PDE3B: variants seen among roughly 807,000 people sequenced by gnomAD.
The protein encoded by PDE3B is cGMP-inhibited 3',5'-cyclic phosphodiesterase 3B.
A neutral mutation model predicts 116.8 loss-of-function variants in PDE3B; 66 were observed. That is an observed-to-expected ratio of 0.56 (90% CI 0.46 to 0.69). The LOEUF (loss-of-function observed/expected upper bound fraction) is 0.69, where lower values mean the gene tolerates loss of function less well. PDE3B is among the 30% of genes least tolerant of loss of function. PDE3B has a pLI of 0.00. For synonymous variants in PDE3B, 595 were observed against 533.6 expected, an observed-to-expected ratio of 1.12 and a Z score of -1.59; for missense variants, 1,384 against 1,368.1, an observed-to-expected ratio of 1.01 and a Z score of -0.18.
rs759895969 is a variant in PDE3B at position 14,843,975 on chromosome 11, T to C, written c.2469T>C (p.Tyr823=). 9 of 1,614,142 alleles carry C rather than the reference T, an allele frequency of 5.6e-6. No homozygotes were observed. The East Asian group carries it at 2.0e-4, about 36-fold the overall frequency. Reference sequence around the variant, plus strand: ...ACGTGGCAGCTGCCATGCATGATTATGATCACCCAGGGAGGACAAATGCAT... The same window carrying C: ...ACGTGGCAGCTGCCATGCATGATTACGATCACCCAGGGAGGACAAATGCAT... ...ALYVAAAMHD[Y]DHPGRTNAFL... The change falls in exon 12 of 16, where the codon TAT becomes TAC. Residue 823 remains tyrosine, a synonymous_variant. Coordinates refer to ENST00000282096, the MANE Select transcript of PDE3B (RefSeq NM_000922.4).
intron 2 of PDE3B, among the ~76,000 whole-genome samples, chr11:14,783,558 G>A (rs548938069): frequency 4.6e-5 from 7 of 152,058 alleles, no homozygotes; most frequent in Non-Finnish European, 7.4e-5. Flanking sequence ...GAATTGGATA[G>A]TGAGAACACT....
At chr11:14,809,171 A>G (rs1377494639) in intron 5 of PDE3B, among the ~76,000 whole-genome samples, 1 of 152,338 alleles carries the variant, frequency 6.6e-6, no homozygotes, top group African/African-American at 2.4e-5. Flanking sequence ...ATGAAATTCA[A>G]TTTGGCAGTT....
intron 2 of PDE3B, among the ~76,000 whole-genome samples, chr11:14,777,733 CAGA>C (rs1436473672): frequency 6.6e-6 from 1 of 152,096 alleles, no homozygotes; most frequent in African/African-American, 2.4e-5. Context: ...ATGAGTGATG[CAGA>C]AGATGGGTGA....
the PDE3B span, among the ~76,000 whole-genome samples, chr11:14,897,399 G>A: frequency 6.6e-6 from 1 of 152,130 alleles, no homozygotes; most frequent in African/African-American, 2.4e-5. Context: ...TGCCCTCAGA[G>A]GAAACAAGAA....
intron 5 of PDE3B, among the ~76,000 whole-genome samples, chr11:14,806,002 G>C (rs1858908336): frequency 6.6e-6 from 1 of 152,208 alleles, no homozygotes; most frequent in Non-Finnish European, 1.5e-5. Flanking sequence ...ACAGATGCTG[G>C]AGAGGAGGTG....
chr11:14,683,429 T>C (rs774870759), intron 1 of PDE3B, among the ~76,000 whole-genome samples: 2 of 152,180 alleles, frequency 1.3e-5, no homozygotes, highest in African/African-American at 2.4e-5. Context: ...AAGTAATCGA[T>C]TCATTTCATC....
chr11:14,892,559 C>T, the PDE3B span, among the ~76,000 whole-genome samples: 1 of 152,194 alleles, frequency 6.6e-6, no homozygotes, highest in Non-Finnish European at 1.5e-5. Flanking sequence ...GGGGCCAGAC[C>T]TTTCTTAAAG....
At chr11:14,879,206 T>C in the PDE3B span, 1 of 1,613,302 alleles carries the variant, frequency 6.2e-7, no homozygotes, top group African/African-American at 1.3e-5. Context: ...GTCTCTCCAG[T>C]ACTTTTCATC....
rs1859856835 is a variant in PDE3B at position 14,830,757 on chromosome 11, G to A, written c.1867G>A (p.Glu623Lys). The change falls in exon 8 of 16, where the codon GAG becomes AAG. Residue 623 changes from glutamate (E) to lysine (K), a missense_variant. Physicochemically the swap from Glu to Lys is moderately conservative, Grantham distance 56. Transcript: ENST00000282096. Reference sequence around the variant, plus strand: ...CAAACTTATGGAAACTCAACAAGAAGAGGAAACAGAGAAGAAAGACAGCAG... The same window carrying A: ...CAAACTTATGGAAACTCAACAAGAAAAGGAAACAGAGAAGAAAGACAGCAG... ...SFKLMETQQE[E>K]ETEKKDSRKL... 4 of 1,533,944 alleles carry A rather than the reference G, an allele frequency of 2.6e-6. No homozygotes were observed. The Admixed American group carries it at 6.8e-5, about 26-fold the overall frequency.
chr11:14,829,310 A>G (rs1859798938), intron 7 of PDE3B, among the ~76,000 whole-genome samples: 1 of 152,126 alleles, frequency 6.6e-6, no homozygotes, highest in Non-Finnish European at 1.5e-5. Context: ...TAAAAAATAA[A>G]TAAATGAAAA....
chr11:14,806,776 A>G (rs1199829957), intron 5 of PDE3B, among the ~76,000 whole-genome samples: 2 of 147,990 alleles, frequency 1.4e-5, no homozygotes, highest in East Asian at 4.1e-4. Context: ...GGAGAATGGC[A>G]TGAACCCGGG....
At chr11:14,751,269 C>T (rs2133875976) in intron 1 of PDE3B, among the ~76,000 whole-genome samples, 1 of 152,240 alleles carries the variant, frequency 6.6e-6, no homozygotes. Flanking sequence ...CTTGCTAAGT[C>T]TTTCCAGGTT....
At position 14,653,401 on chromosome 11, in the gene PDE3B, A is replaced by G. The variant is rs1211861436; in HGVS notation, c.978+8348A>G. On this transcript the variant is annotated intron_variant, in intron 1 of 15. Coordinates refer to ENST00000282096, the MANE Select transcript of PDE3B (RefSeq NM_000922.4). ...AAATCCACAAATCAGGCAAGGTAAT[A>G]AGGCACTATGAATAAGAACCTAAGA... Among the ~76,000 whole-genome samples, 4 of 152,168 alleles carry G rather than the reference A, an allele frequency of 2.6e-5. No homozygotes were observed. The East Asian group carries it at 7.7e-4, about 29-fold the overall frequency.
intron 1 of PDE3B, among the ~76,000 whole-genome samples, chr11:14,758,045 A>G (rs1318528496): frequency 6.6e-6 from 1 of 151,956 alleles, no homozygotes; most frequent in Admixed American, 6.5e-5. Context: ...TCCCAGCACC[A>G]TTTATTAAAT....
At chr11:14,763,488 G>C (rs989646492) in intron 1 of PDE3B, among the ~76,000 whole-genome samples, 1 of 152,032 alleles carries the variant, frequency 6.6e-6, no homozygotes, top group African/African-American at 2.4e-5. Context: ...GTATGATCAT[G>C]ATAAAGGGGT....
intron 1 of PDE3B, among the ~76,000 whole-genome samples, chr11:14,668,279 T>C (rs1278299602): frequency 2.0e-5 from 3 of 152,194 alleles, no homozygotes; most frequent in African/African-American, 7.2e-5. Context: ...CTACATTTTT[T>C]TGCATGTATT....
At chr11:14,882,952 A>G in the PDE3B span, among the ~76,000 whole-genome samples, 1 of 152,140 alleles carries the variant, frequency 6.6e-6, no homozygotes, top group Non-Finnish European at 1.5e-5. Context: ...AAGAGAATAA[A>G]ATACCTAGGA....
At chr11:14,752,085 C>A (rs1346396824) in intron 1 of PDE3B, among the ~76,000 whole-genome samples, 1 of 152,182 alleles carries the variant, frequency 6.6e-6, no homozygotes, top group Non-Finnish European at 1.5e-5. Context: ...CTACACTCAT[C>A]TTCTGTATTC....
the PDE3B span, among the ~76,000 whole-genome samples, chr11:14,884,631 T>C: frequency 6.6e-6 from 1 of 151,884 alleles, no homozygotes; most frequent in African/African-American, 2.4e-5. Context: ...TGTATACATA[T>C]GTAACTAACC....
Sources: gnomAD v4.1 joint callset for allele counts (sites outside exome capture counted in the v4.1 genomes callset) on GRCh38, gnomAD v4.1.1 for gene constraint, MANE v1.5 for transcripts, NCBI Gene and HGNC (gene_info 2026-07-23, HGNC 2026-07-21) for gene names.